The following ANO4 variants were observed in gnomAD, a reference collection of about 807,000 sequenced individuals.
ANO4 encodes the protein anoctamin-4.
A neutral mutation model predicts 141.9 loss-of-function variants in ANO4; 69 were observed. That is an observed-to-expected ratio of 0.49 (90% CI 0.40 to 0.59). The LOEUF (loss-of-function observed/expected upper bound fraction) is 0.59. Among genes scored for constraint, ANO4 ranks in the 20% least tolerant of loss-of-function variants. The pLI is 0.00. For missense variants in ANO4, 894 were observed against 1,162.2 expected, an observed-to-expected ratio of 0.77 and a Z score of 3.36; for synonymous variants, 350 against 394.3, an observed-to-expected ratio of 0.89 and a Z score of 1.33.
At chr12:100,859,635 A>G (rs1335370586) in intron 1 of ANO4, among the ~76,000 whole-genome samples, 1 of 152,196 alleles carries the variant, frequency 6.6e-6, no homozygotes, top group Non-Finnish European at 1.5e-5. Flanking sequence ...ACTCAAAAAG[A>G]ATGTATTTTG....
intron 1 of ANO4, among the ~76,000 whole-genome samples, chr12:100,843,088 A>G (rs1003080351): frequency 2.0e-5 from 3 of 152,128 alleles, no homozygotes; most frequent in Admixed American, 6.6e-5. Flanking sequence ...CTTTTATAGC[A>G]TAGCAATTGA....
intron 14 of ANO4, chr12:101,069,288 C>T (rs996111467): frequency 4.9e-6 from 4 of 820,352 alleles, no homozygotes; most frequent in Non-Finnish European, 8.6e-6. Context: ...CCAAACATCA[C>T]TTGCACTTAA....
chr12:101,096,382 G>C (rs1366105816), intron 18 of ANO4, among the ~76,000 whole-genome samples, 154 bp from the exon 19 acceptor site: 1 of 152,212 alleles, frequency 6.6e-6, no homozygotes, highest in East Asian at 1.9e-4. Context: ...TGAGTGGTCT[G>C]TTCCACCACA....
intron 8 of ANO4, among the ~76,000 whole-genome samples, chr12:101,006,693 A>G (rs2045886229): frequency 6.6e-6 from 1 of 152,228 alleles, no homozygotes; most frequent in Non-Finnish European, 1.5e-5. Context: ...AAGCAAAGCA[A>G]CTTGCAGGAG....
intron 3 of ANO4, among the ~76,000 whole-genome samples, chr12:100,778,989 A>G (rs1255749989): frequency 6.6e-6 from 1 of 151,960 alleles, no homozygotes. Flanking sequence ...TTTCTCCTTT[A>G]TATACTTGTG....
chr12:101,057,369 C>T (rs2048166987), intron 14 of ANO4, among the ~76,000 whole-genome samples: 1 of 152,140 alleles, frequency 6.6e-6, no homozygotes, highest in African/African-American at 2.4e-5. Flanking sequence ...GGTGTATACT[C>T]AGTAATGGGA....
chr12:100,958,970 T>TG (rs1018176331), intron 5 of ANO4, among the ~76,000 whole-genome samples: 3 of 152,050 alleles, frequency 2.0e-5, no homozygotes, highest in African/African-American at 4.8e-5. Flanking sequence ...GGGTGTTGGG[T>TG]GGGGGCTCAC....
At chr12:100,815,467 G>T (rs1030077157) in intron 1 of ANO4, among the ~76,000 whole-genome samples, 2 of 152,110 alleles carry the variant, frequency 1.3e-5, no homozygotes, top group Non-Finnish European at 2.9e-5. Flanking sequence ...AAAAGTCATT[G>T]TTAGGTACCA....
intron 8 of ANO4, among the ~76,000 whole-genome samples, chr12:100,994,483 C>A (rs2045280623): frequency 6.6e-6 from 1 of 151,978 alleles, no homozygotes; most frequent in South Asian, 2.1e-4. Flanking sequence ...AGTCGTGTTA[C>A]TTTTTATAAT....
At chr12:101,049,645 A>G (rs1004338038) in intron 14 of ANO4, among the ~76,000 whole-genome samples, 2 of 152,214 alleles carry the variant, frequency 1.3e-5, no homozygotes, top group East Asian at 1.9e-4. Flanking sequence ...GTATTTATTT[A>G]TGATACAGTG....
chr12:101,047,060 G>T (rs1427286449), intron 13 of ANO4, among the ~76,000 whole-genome samples: 1 of 152,144 alleles, frequency 6.6e-6, no homozygotes, highest in Admixed American at 6.5e-5. Flanking sequence ...GACCAGCCTG[G>T]CCAACATGGT....
chr12:101,095,409 G>A lies in ANO4; in HGVS notation c.1738+1117G>A, dbSNP rs757400770. Among the ~76,000 whole-genome samples the A allele has an allele frequency of 9.9e-5, 15 of 152,274 alleles. 1 individual carries two copies. The highest frequency in any genetic ancestry group is 5.9e-5 in the Non-Finnish European group (4 of 68,018). Reference sequence around the variant, plus strand: ...GGAGGTACAGTCCTGGTCCATCCACGGTGGGGACACCTGGGAACCTAGCTG... The same window carrying A: ...GGAGGTACAGTCCTGGTCCATCCACAGTGGGGACACCTGGGAACCTAGCTG... On this transcript the variant is annotated intron_variant, in intron 18 of 27. Coordinates refer to ENST00000392977, the MANE Select transcript of ANO4 (RefSeq NM_001286615.2).
intron 1 of ANO4, among the ~76,000 whole-genome samples, chr12:100,854,996 A>AT (rs963264733): frequency 8.6e-5 from 13 of 150,808 alleles, no homozygotes; most frequent in South Asian, 2.1e-4. Flanking sequence ...TCCCAAGTTC[A>AT]TTTTTTTTTC....
chr12:101,022,919 T>G (rs2046590263), intron 9 of ANO4, among the ~76,000 whole-genome samples: 1 of 152,168 alleles, frequency 6.6e-6, no homozygotes, highest in Admixed American at 6.5e-5. Flanking sequence ...TTTTGTATTT[T>G]TAGTGGAGAC....
At chr12:100,801,469 A>G (rs556547573) in intron 1 of ANO4, among the ~76,000 whole-genome samples, 1 of 152,012 alleles carries the variant, frequency 6.6e-6, no homozygotes, top group East Asian at 1.9e-4. Flanking sequence ...TCTATAAGCA[A>G]AGCATTGCAT....
intron 5 of ANO4, among the ~76,000 whole-genome samples, chr12:100,951,868 G>C (rs2042982660): frequency 6.6e-6 from 1 of 152,146 alleles, no homozygotes; most frequent in Admixed American, 6.5e-5. Context: ...TTGTTGTAGA[G>C]GGCTATTCTG....
chr12:100,975,265 C>T (rs1345325431), intron 7 of ANO4, among the ~76,000 whole-genome samples: 1 of 151,688 alleles, frequency 6.6e-6, no homozygotes, highest in Non-Finnish European at 1.5e-5. Context: ...GCACCCATCA[C>T]CTGAGCAATG....
intron 18 of ANO4, among the ~76,000 whole-genome samples, chr12:101,094,627 TTTTG>T (rs1464927262): frequency 6.6e-6 from 1 of 152,178 alleles, no homozygotes; most frequent in African/African-American, 2.4e-5. Flanking sequence ...TGCCTATAAT[TTTTG>T]TTTAATTAAA....
At chr12:100,753,945 G>C (rs1006362512) in intron 3 of ANO4, among the ~76,000 whole-genome samples, 1 of 152,120 alleles carries the variant, frequency 6.6e-6, no homozygotes, top group Non-Finnish European at 1.5e-5. Context: ...CATCCATCCT[G>C]CTTCTGAAAC....
Sources: allele counts gnomAD v4.1 joint callset (sites outside exome capture counted in the v4.1 genomes callset), GRCh38; gene constraint gnomAD v4.1.1; transcripts MANE v1.5; gene names NCBI Gene and HGNC (gene_info 2026-07-23, HGNC 2026-07-21).